Variants in PDE1C observed in about 807,000 individuals in gnomAD.
The protein encoded by PDE1C is phosphodiesterase 1C, also known as dual specificity calcium/calmodulin-dependent 3',5'-cyclic nucleotide phosphodiesterase 1C.
A neutral mutation model predicts 93.1 loss-of-function variants in PDE1C; 62 were observed. That is an observed-to-expected ratio of 0.67 (90% CI 0.54 to 0.82). The LOEUF (loss-of-function observed/expected upper bound fraction) is 0.82. Among genes scored for constraint, PDE1C ranks in the 40% least tolerant of loss-of-function variants. The probability of loss-of-function intolerance (pLI) is 0.00; values close to 1 mark genes in which losing one functional copy is unlikely to be tolerated. For synonymous variants in PDE1C, 325 were observed against 310.1 expected (o/e 1.05, Z -0.50); for missense variants, 742 against 884.6 (o/e 0.84, Z 2.04).
intron 15 of PDE1C, among the ~76,000 whole-genome samples, chr7:31,811,938 G>T (rs768019052): frequency 2.6e-5 from 4 of 152,148 alleles, no homozygotes; most frequent in Non-Finnish European, 5.9e-5. Flanking sequence ...CCACAAAGAA[G>T]GGGGCTGGGA....
chr7:31,952,925 C>G (rs776022937), intron 2 of PDE1C, among the ~76,000 whole-genome samples: 1 of 152,022 alleles, frequency 6.6e-6, no homozygotes, highest in Non-Finnish European at 1.5e-5. Flanking sequence ...TACACTACAT[C>G]TAGTATTGTT....
At chr7:32,117,616 T>A (rs1317450890) in intron 3 of PDE1C, among the ~76,000 whole-genome samples, 2 of 152,218 alleles carry the variant, frequency 1.3e-5, no homozygotes, top group Non-Finnish European at 2.9e-5. Flanking sequence ...TATACACATG[T>A]GCATACCAGG....
At chr7:32,267,586 ACTCTCT>A (rs57210713) in intron 1 of PDE1C, among the ~76,000 whole-genome samples, 1,220 of 117,602 alleles carry the variant, frequency 0.01, 19 homozygotes, top group African/African-American at 0.039. Context: ...ACACACACAC[ACTCTCT>A]CTCTCTCTCT....
intron 3 of PDE1C, among the ~76,000 whole-genome samples, chr7:32,132,679 A>T (rs1799985343): frequency 1.3e-5 from 2 of 152,176 alleles, no homozygotes; most frequent in South Asian, 2.1e-4. Context: ...AATAACAATG[A>T]CAATAAATAA....
chr7:31,638,260 A>G, the PDE1C span, among the ~76,000 whole-genome samples: 7 of 152,368 alleles, frequency 4.6e-5, no homozygotes, highest in African/African-American at 9.6e-5. Context: ...AATTATAACA[A>G]AGGCAGTGAA....
the PDE1C span, among the ~76,000 whole-genome samples, chr7:31,746,022 A>G: frequency 1.3e-5 from 1 of 74,398 alleles, no homozygotes; most frequent in African/African-American, 4.3e-5. Context: ...GAGTCTTCTC[A>G]GTGACTGAGA....
chr7:32,287,557 G>A (rs1186692794), intron 1 of PDE1C, among the ~76,000 whole-genome samples: 1 of 152,248 alleles, frequency 6.6e-6, no homozygotes, highest in Non-Finnish European at 1.5e-5. Context: ...TGGCTTGTTT[G>A]CTCACATAGT....
chr7:31,921,971 A>AAAATTAGAG (rs1300939085), intron 2 of PDE1C, among the ~76,000 whole-genome samples: 2 of 150,966 alleles, frequency 1.3e-5, no homozygotes, highest in African/African-American at 4.8e-5. Flanking sequence ...TATAGGTGAG[A>AAAATTAGAG]AAATTAGAGT....
chr7:31,961,828 C>G (rs981102160), intron 2 of PDE1C, among the ~76,000 whole-genome samples: 3 of 152,164 alleles, frequency 2.0e-5, no homozygotes, highest in African/African-American at 7.2e-5. Context: ...AAAAATATCT[C>G]CAGAAACCAT....
chr7:32,278,311 T>C (rs1255960188), intron 1 of PDE1C, among the ~76,000 whole-genome samples: 1 of 152,146 alleles, frequency 6.6e-6, no homozygotes, highest in Non-Finnish European at 1.5e-5. Flanking sequence ...GAAATTAAAA[T>C]GACTCTAGTT....
intron 1 of PDE1C, among the ~76,000 whole-genome samples, chr7:32,308,420 G>A (rs146563975): frequency 0.042 from 6,397 of 152,108 alleles, 259 homozygotes; most frequent in South Asian, 0.18. Context: ...ATCTGAGAAC[G>A]GGCAGACAGC....
At chr7:31,835,501 C>T (rs1278822188) in intron 11 of PDE1C, among the ~76,000 whole-genome samples, 1 of 147,970 alleles carries the variant, frequency 6.8e-6, no homozygotes, top group Non-Finnish European at 1.5e-5. Context: ...TTGACATACA[C>T]ATATAATAGC....
At chr7:32,338,819 C>G (rs215668) in intron 1 of PDE1C, among the ~76,000 whole-genome samples, 1 of 151,870 alleles carries the variant, frequency 6.6e-6, no homozygotes, top group East Asian at 1.9e-4. Context: ...CTGGCTAACA[C>G]GGTGAAACCC....
At chr7:32,390,051 G>A (rs906454453) in intron 1 of PDE1C, among the ~76,000 whole-genome samples, 8 of 152,110 alleles carry the variant, frequency 5.3e-5, no homozygotes, top group Non-Finnish European at 7.3e-5. Context: ...ACCAGAGACT[G>A]CAAATATGTA....
In PDE1C at chr7:32,099,648, T is replaced by C. The variant is rs1797946386; in HGVS notation, c.308+70137A>G. 2.6e-5 allele frequency among the ~76,000 whole-genome samples: 4 copies of C among 152,366 alleles called. No individual in the cohort carries two copies. The South Asian group carries it at 6.2e-4, about 24-fold the overall frequency. On this transcript the variant is annotated intron_variant, in intron 3 of 18. Transcript: ENST00000396193. Reference sequence around the variant, plus strand: ...CAAATCAAGTCGGAACTCCTTGGCATGGCAAAGAAGGCCTCCCATGCCTAC... The same window carrying C: ...CAAATCAAGTCGGAACTCCTTGGCACGGCAAAGAAGGCCTCCCATGCCTAC...
At chr7:32,360,010 C>T (rs976196433) in intron 1 of PDE1C, among the ~76,000 whole-genome samples, 1 of 152,146 alleles carries the variant, frequency 6.6e-6, no homozygotes. Flanking sequence ...AGTATGGCCA[C>T]CATACTTGAT....
chr7:32,019,333 T>C (rs116138433), intron 2 of PDE1C, among the ~76,000 whole-genome samples: 4,694 of 152,090 alleles, frequency 0.031, 250 homozygotes, highest in African/African-American at 0.11. Context: ...AGAAGGAATG[T>C]GCAAGGGACT....
At chr7:32,181,070 G>C (rs1803373214) in intron 2 of PDE1C, among the ~76,000 whole-genome samples, 1 of 152,154 alleles carries the variant, frequency 6.6e-6, no homozygotes, top group Non-Finnish European at 1.5e-5. Flanking sequence ...AGGTCTTAAA[G>C]GGAAAGTCTA....
the PDE1C span, among the ~76,000 whole-genome samples, chr7:31,679,934 G>A: frequency 6.6e-6 from 1 of 152,152 alleles, no homozygotes. Context: ...TAGCTTAGCT[G>A]GAAGAAAGCA....
Sources: allele counts gnomAD v4.1 joint callset (sites outside exome capture counted in the v4.1 genomes callset), GRCh38; gene constraint gnomAD v4.1.1; transcripts MANE v1.5; gene names NCBI Gene and HGNC (gene_info 2026-07-23, HGNC 2026-07-21).